Variants in PAQR3 observed in about 807,000 individuals in gnomAD.
PAQR3 encodes progestin and adipoQ receptor family member 3, also known as Raf kinase trapping to Golgi.
Under a neutral mutation model 41.7 loss-of-function variants are expected in PAQR3, and 39 were observed. The ratio of observed to expected loss-of-function variants is 0.93; its 90% CI spans 0.72 to 1.22. The LOEUF is 1.22. PAQR3 is among the 50% of genes most tolerant of loss of function. The probability of loss-of-function intolerance (pLI) is 0.00; values close to 1 mark genes in which losing one functional copy is unlikely to be tolerated. For missense variants in PAQR3, 366 were observed against 385.6 expected (o/e 0.95, Z 0.42); for synonymous variants, 140 against 140.6 (o/e 1.00, Z 0.03).
chr4:78,903,917 G>A (rs1054143383), intron 11 of PAQR3, among the ~76,000 whole-genome samples: 3 of 151,964 alleles, frequency 2.0e-5, no homozygotes, highest in African/African-American at 7.2e-5. Flanking sequence ...ACAGATGAGA[G>A]TTTTAAGCCA....
intron 11 of PAQR3, among the ~76,000 whole-genome samples, chr4:78,905,522 C>T (rs539752509): frequency 6.6e-6 from 1 of 152,010 alleles, no homozygotes; most frequent in South Asian, 2.1e-4. Flanking sequence ...GTTTTTAATG[C>T]TGTAAATACA....
chr4:78,926,834 C>A, intron 3 of PAQR3, 116 bp from the exon 4 acceptor site: 1 of 870,562 alleles, frequency 1.1e-6, no homozygotes, highest in Admixed American at 2.4e-5. Flanking sequence ...ATTTGCATTT[C>A]AAAATAGGAT....
Position 78,939,259 on chromosome 4 carries a change from C to T in PAQR3, c.-35G>A. ...CCGCCGCCGCTCCCCGGCTCGGGAG[C>T]TCCCCCAGGTCCCGCCTCCCCGGGG... On this transcript the variant is annotated 5_prime_UTR_variant, in exon 1 of 6. Coordinates refer to ENST00000512733, the MANE Select transcript of PAQR3 (RefSeq NM_001040202.2). 6.4e-7 allele frequency: 1 copy of T among 1,567,076 alleles called. No individual in the cohort carries two copies. Among genetic ancestry groups the T allele is most frequent in the Non-Finnish European group, 8.6e-7 (1 of 1,160,078 alleles).
chr4:78,917,841 T>C lies in PAQR3; in HGVS notation c.*2698A>G, dbSNP rs1735233449. 2 of 985,416 alleles carry C rather than the reference T, an allele frequency of 2.0e-6. No homozygotes were observed. The highest frequency in any genetic ancestry group is 4.7e-5 in the South Asian group (1 of 21,286). 61.0% of individuals were successfully genotyped at this position (985,416 alleles called of 1,614,324 possible). A position where few individuals can be genotyped will look rare whatever the true frequency, so the allele number is the denominator to read the frequency against. Reference sequence around the variant, plus strand: ...GATATTCTGTCCAGGTGGGATGCCATAAGATGTGACAGACATTCCCTGAAT... The same window carrying C: ...GATATTCTGTCCAGGTGGGATGCCACAAGATGTGACAGACATTCCCTGAAT... On this transcript the variant is annotated 3_prime_UTR_variant, in exon 6 of 6. Transcript: ENST00000512733.
At chr4:78,887,457 A>G (rs1733158208) in intron 12 of PAQR3, 1 of 586,014 alleles carries the variant, frequency 1.7e-6, no homozygotes, top group Non-Finnish European at 3.0e-6. Flanking sequence ...TTGAGTTATT[A>G]TTCAGTTGTA....
Position 78,939,399 on chromosome 4 carries a change from C to T in PAQR3, c.-175G>A, listed in dbSNP as rs1182830851. On this transcript the variant is annotated 5_prime_UTR_variant, in exon 1 of 6. Coordinates refer to ENST00000512733, the MANE Select transcript of PAQR3 (RefSeq NM_001040202.2). ...TCTGCGCTCACACCGGCCACTGCCG[C>T]CAGCGCCGCGGCGGACCCGGCAGCG... 2.6e-6 allele frequency: 1 copy of T among 378,244 alleles called. No individual in the cohort carries two copies. Among genetic ancestry groups the T allele is most frequent in the Non-Finnish European group, 4.2e-6 (1 of 239,672 alleles). 23.4% of individuals were successfully genotyped at this position (378,244 alleles called of 1,614,324 possible).
At chr4:78,923,802 C>T (rs1335731146) in intron 5 of PAQR3, 55 bp downstream of exon 5, 6 of 1,153,882 alleles carry the variant, frequency 5.2e-6, no homozygotes, top group South Asian at 2.5e-5. Context: ...GATGCATATA[C>T]CTTGGGCATA....
downstream of PAQR3, among the ~76,000 whole-genome samples, chr4:78,909,055 C>CTTTTTTTTTT (rs1053664659): frequency 7.4e-5 from 7 of 94,394 alleles, no homozygotes; most frequent in East Asian, 3.3e-4. Context: ...TTCCCTTAGT[C>CTTTTTTTTTT]TTTTTTTTTT....
intron 1 of PAQR3, 143 bp from the exon 2 acceptor site, chr4:78,935,426 A>G (rs1487658978): frequency 1.7e-6 from 1 of 573,828 alleles, no homozygotes; most frequent in African/African-American, 1.9e-5. Context: ...AATTTGATAT[A>G]TTATCTAATT....
intron 2 of PAQR3, among the ~76,000 whole-genome samples, chr4:78,931,185 TAAAAAAAAAA>T (rs1553925635): frequency 9.6e-5 from 11 of 115,062 alleles, no homozygotes; most frequent in Admixed American, 3.8e-4. Flanking sequence ...CCTCATTTCT[TAAAAAAAAAA>T]AAAAAAAAAA....
Position 78,911,922 on chromosome 4 carries a change from C to G in PAQR3, c.*8617G>C. 1 of 1,613,922 alleles carries G rather than the reference C, an allele frequency of 6.2e-7. No individual in the cohort carries two copies. The highest frequency in any genetic ancestry group is 8.5e-7 in the Non-Finnish European group (1 of 1,179,878). ...TATTGAAAATGGATGATTTTGGTGC[C>G]GTGCCCTTTACAGAACTTGTGGTGC... is the stretch of plus-strand genomic sequence containing the variant. On this transcript the variant is annotated 3_prime_UTR_variant, in exon 6 of 6. Coordinates refer to ENST00000512733, the MANE Select transcript of PAQR3 (RefSeq NM_001040202.2).
chr4:78,937,919 G>A (rs1378540038), intron 1 of PAQR3, among the ~76,000 whole-genome samples: 1 of 152,186 alleles, frequency 6.6e-6, no homozygotes, highest in Non-Finnish European at 1.5e-5. Flanking sequence ...GAACTCAGCT[G>A]TGTAATTTAC....
downstream of PAQR3, chr4:78,910,787 A>G (rs769682431): frequency 2.5e-6 from 4 of 1,613,770 alleles, no homozygotes; most frequent in African/African-American, 5.3e-5. Context: ...TTTGAATCAG[A>G]TCCCCCTTCT....
intron 11 of PAQR3, among the ~76,000 whole-genome samples, chr4:78,891,476 CT>C (rs1210596624): frequency 6.6e-6 from 1 of 152,078 alleles, no homozygotes; most frequent in Non-Finnish European, 1.5e-5. Context: ...TCTTTCTGGA[CT>C]TTCTTCTTTT....
chr4:78,909,134 C>G (rs1226312430), downstream of PAQR3, among the ~76,000 whole-genome samples: 2 of 144,110 alleles, frequency 1.4e-5, no homozygotes, highest in African/African-American at 5.2e-5. Context: ...TCTTGGCTCA[C>G]TGCAACCTCT....
At chr4:78,936,453 A>C (rs915814231) in intron 1 of PAQR3, among the ~76,000 whole-genome samples, 8 of 152,238 alleles carry the variant, frequency 5.3e-5, no homozygotes, top group Non-Finnish European at 7.3e-5. Flanking sequence ...CATTTCTTGT[A>C]ACAATGAAAG....
chr4:78,895,083 G>A (rs2033063), intron 11 of PAQR3, among the ~76,000 whole-genome samples: 25,730 of 152,060 alleles, frequency 0.17, 4,466 homozygotes, highest in African/African-American at 0.44. Flanking sequence ...CAGGGTCACC[G>A]TAACAGATAC....
At chr4:78,922,270 T>A in intron 5 of PAQR3, 1 of 1,250,702 alleles carries the variant, frequency 8.0e-7, no homozygotes, top group Middle Eastern at 2.2e-4. Context: ...CCATTCTTAT[T>A]TAAAGCTCAG....
chr4:78,896,527 GAA>G (rs1276679786), intron 11 of PAQR3, among the ~76,000 whole-genome samples: 1 of 152,018 alleles, frequency 6.6e-6, no homozygotes, highest in Non-Finnish European at 1.5e-5. Flanking sequence ...TGATTAATAA[GAA>G]AAATATATGT....
Sources: allele counts gnomAD v4.1 joint callset (sites outside exome capture counted in the v4.1 genomes callset), GRCh38; gene constraint gnomAD v4.1.1; transcripts MANE v1.5; gene names NCBI Gene and HGNC (gene_info 2026-07-23, HGNC 2026-07-21).